TRPC4: variants seen among roughly 807,000 people sequenced by gnomAD.
TRPC4 encodes transient receptor potential cation channel subfamily C member 4, also known as short transient receptor potential channel 4.
In TRPC4, 49 loss-of-function variants were observed where a neutral mutation model predicts 99.4. The observed-to-expected ratio is 0.49, with a 90% CI of 0.39 to 0.63. The LOEUF is 0.63. Among genes scored for constraint, TRPC4 ranks in the 20% least tolerant of loss-of-function variants. The pLI is 0.00. For missense variants in TRPC4, 898 were observed against 1,152.9 expected (o/e 0.78, Z 3.20); for synonymous variants, 454 against 425.9 (o/e 1.07, Z -0.81).
rs1429829083 is a variant in TRPC4 at position 37,683,583 on chromosome 13, C to T, written c.1234+8416G>A. 2.6e-5 allele frequency among the ~76,000 whole-genome samples: 4 copies of T among 152,078 alleles called. 1 individual carries two copies. In the South Asian group the frequency reaches 8.3e-4, roughly 31 times the overall value. ...CACAACAGGGCTCTCAAAGAACAGC[C>T]GTGCACCCCTCAGGAGGGTCAGCAT... On this transcript the variant is annotated intron_variant, in intron 4 of 10. Transcript: ENST00000379705.
chr13:37,775,885 G>T (rs1956686570), intron 2 of TRPC4, among the ~76,000 whole-genome samples: 1 of 151,090 alleles, frequency 6.6e-6, no homozygotes, highest in Non-Finnish European at 1.5e-5. Context: ...ATAGTATGTT[G>T]TGCTGAGAGG....
chr13:37,805,591 C>T (rs1404148796), intron 1 of TRPC4, among the ~76,000 whole-genome samples: 2 of 151,988 alleles, frequency 1.3e-5, no homozygotes, highest in African/African-American at 4.8e-5. Context: ...TGTTATCTGA[C>T]TCTGAGGTTT....
intron 1 of TRPC4, among the ~76,000 whole-genome samples, chr13:37,842,832 T>C (rs1193319411): frequency 1.3e-5 from 2 of 152,154 alleles, no homozygotes; most frequent in Non-Finnish European, 2.9e-5. Flanking sequence ...AAACCAGACA[T>C]TGATAAATAA....
intron 3 of TRPC4, among the ~76,000 whole-genome samples, chr13:37,700,656 C>T (rs904466180): frequency 6.6e-6 from 1 of 152,088 alleles, no homozygotes; most frequent in Admixed American, 6.5e-5. Context: ...TTGTTCCAGA[C>T]CTTAGAAAAT....
rs576887406 is a variant in TRPC4 at position 37,641,569 on chromosome 13, C to T, written c.2080-2270G>A. Reference sequence around the variant, plus strand: ...ACCAAATAATTAATGCTAAATTATGCGGCTGATAGAGCTCTCATCTGTTTA... The same window carrying T: ...ACCAAATAATTAATGCTAAATTATGTGGCTGATAGAGCTCTCATCTGTTTA... On this transcript the variant is annotated intron_variant, in intron 8 of 10. Coordinates refer to ENST00000379705, the MANE Select transcript of TRPC4 (RefSeq NM_016179.4). Among the ~76,000 whole-genome samples, 12 of 152,246 alleles carry T rather than the reference C, an allele frequency of 7.9e-5. No individual in the cohort carries two copies. In the South Asian group the frequency reaches 1.9e-3, roughly 24 times the overall value.
In TRPC4 at chr13:37,785,166, A is replaced by C. The variant is rs1956937440; in HGVS notation, c.-27-1806T>G. 2.6e-5 allele frequency among the ~76,000 whole-genome samples: 4 copies of C among 152,142 alleles called. No homozygotes were observed. In the South Asian group the frequency reaches 8.3e-4, roughly 31 times the overall value. ...ATATCACTAAAACTTGAGTTAAAGC[A>C]AGATGATTATGATTCTATCTATGTC... On this transcript the variant is annotated intron_variant, in intron 1 of 10. Transcript: ENST00000379705.
chr13:37,824,022 C>T (rs868091367), intron 1 of TRPC4, among the ~76,000 whole-genome samples: 3,529 of 136,894 alleles, frequency 0.026, 116 homozygotes, highest in African/African-American at 0.061. Context: ...GTATTTTATT[C>T]TCTTTGAAGC....
chr13:37,825,485 T>C (rs560790445), intron 1 of TRPC4, among the ~76,000 whole-genome samples: 4 of 152,264 alleles, frequency 2.6e-5, no homozygotes, highest in African/African-American at 4.8e-5. Flanking sequence ...TTTGTTCTCA[T>C]TGGTTTCAAA....
chr13:37,787,312 T>A (rs1189701035), intron 1 of TRPC4, among the ~76,000 whole-genome samples: 3 of 152,074 alleles, frequency 2.0e-5, no homozygotes, highest in African/African-American at 7.2e-5. Context: ...ATTAAGATAC[T>A]ATCACACATA....
chr13:37,664,345 T>C (rs1182701756), intron 5 of TRPC4, among the ~76,000 whole-genome samples: 2 of 152,180 alleles, frequency 1.3e-5, no homozygotes, highest in East Asian at 3.9e-4. Flanking sequence ...AGGCCGAAGC[T>C]GGCGAATTAC....
intron 4 of TRPC4, among the ~76,000 whole-genome samples, chr13:37,690,385 G>A (rs1953644420): frequency 6.6e-6 from 1 of 152,084 alleles, no homozygotes; most frequent in Non-Finnish European, 1.5e-5. Context: ...TGTAATCTTG[G>A]TTCACCGCAA....
At chr13:37,782,913 T>A in intron 2 of TRPC4, 43 bp downstream of exon 2, 1 of 1,417,918 alleles carries the variant, frequency 7.1e-7, no homozygotes, top group Non-Finnish European at 9.2e-7. Flanking sequence ...ACAAAAAACC[T>A]TCTGCAGGTA....
At chr13:37,769,409 C>T (rs2039432) in intron 2 of TRPC4, among the ~76,000 whole-genome samples, 15,108 of 151,310 alleles carry the variant, frequency 0.1, 1,101 homozygotes, top group African/African-American at 0.21. Flanking sequence ...AAACATCCTT[C>T]CTAAAATATC....
At chr13:37,852,665 G>C (rs1345229971) in intron 1 of TRPC4, among the ~76,000 whole-genome samples, 1 of 152,160 alleles carries the variant, frequency 6.6e-6, no homozygotes, top group Non-Finnish European at 1.5e-5. Flanking sequence ...AGGCACTTGG[G>C]GTCCCTGAGT....
chr13:37,854,385 G>C (rs1959131738), intron 1 of TRPC4, among the ~76,000 whole-genome samples: 1 of 152,028 alleles, frequency 6.6e-6, no homozygotes, highest in South Asian at 2.1e-4. Context: ...CAAAAGCTGA[G>C]GGATTTCATC....
chr13:37,773,355 G>T (rs551805033), intron 2 of TRPC4, among the ~76,000 whole-genome samples: 2 of 151,790 alleles, frequency 1.3e-5, no homozygotes, highest in African/African-American at 4.8e-5. Flanking sequence ...TTCAATATAC[G>T]TGGAAGGAAT....
At chr13:37,754,285 GT>G (rs1956037934) in intron 2 of TRPC4, among the ~76,000 whole-genome samples, 1 of 152,034 alleles carries the variant, frequency 6.6e-6, no homozygotes, top group South Asian at 2.1e-4. Flanking sequence ...ATTGTTACAA[GT>G]GAAGAGGACA....
chr13:37,763,100 ACCT>A (rs1373059512), intron 2 of TRPC4, among the ~76,000 whole-genome samples: 1 of 151,572 alleles, frequency 6.6e-6, no homozygotes, highest in African/African-American at 2.4e-5. Flanking sequence ...GTTAAAAAAA[ACCT>A]ATATAATATA....
chr13:37,637,174 G>C lies in TRPC4; in HGVS notation c.2663C>G (p.Ser888Cys), dbSNP rs1440750564. The C allele has an allele frequency of 6.2e-7, 1 of 1,613,850 alleles. No individual in the cohort carries two copies. The highest frequency in any genetic ancestry group is 1.7e-5 in the Admixed American group (1 of 59,938). Residue 888 changes from serine (S) to cysteine (C), a missense_variant, in exon 11 of 11, where the codon TCT becomes TGT. Ser to Cys is a moderately radical substitution (Grantham distance 112). Coordinates refer to ENST00000379705, the MANE Select transcript of TRPC4 (RefSeq NM_016179.4). ...GTCACCCCGTGAAGCTAATCCTCGA[G>C]ATTCCAGTTGAATATTTCTCTCAAG... is the stretch of plus-strand genomic sequence containing the variant. The part of the protein sequence containing the change: ...GPLERNIQLE[S>C]RGLASRGDLS...
Sources: gnomAD v4.1 joint callset for allele counts (sites outside exome capture counted in the v4.1 genomes callset) on GRCh38, gnomAD v4.1.1 for gene constraint, MANE v1.5 for transcripts, NCBI Gene and HGNC (gene_info 2026-07-23, HGNC 2026-07-21) for gene names.